Variants in TNPO3 observed in about 807,000 individuals in gnomAD.
TNPO3 encodes transportin 3, also known as transportin-3.
In TNPO3, 65 loss-of-function variants were observed where a neutral mutation model predicts 122.8. The ratio of observed to expected loss-of-function variants is 0.53; its 90% CI spans 0.43 to 0.65. TNPO3 has a LOEUF of 0.65. Ranked by LOEUF, TNPO3 falls within the 30% of genes least tolerant of loss-of-function variation. The pLI, the probability that TNPO3 is intolerant of heterozygous loss-of-function variation, is 0.00. For synonymous variants in TNPO3, 372 were observed against 411.2 expected, an observed-to-expected ratio of 0.90 and a Z score of 1.15; for missense variants, 850 against 1,136.7, an observed-to-expected ratio of 0.75 and a Z score of 3.63.
chr7:129,005,906 C>T (rs555723679), intron 4 of TNPO3, among the ~76,000 whole-genome samples: 41 of 151,918 alleles, frequency 2.7e-4, no homozygotes, highest in Admixed American at 5.2e-4. Context: ...CTCAGCCTCC[C>T]AAGTGGCTGG....
At chr7:129,053,678 G>A (rs765679123) in intron 1 of TNPO3, among the ~76,000 whole-genome samples, 3 of 152,082 alleles carry the variant, frequency 2.0e-5, no homozygotes, top group Admixed American at 6.6e-5. Flanking sequence ...AAATATGGTT[G>A]TGAGTATAAA....
chr7:128,979,028 A>G lies in TNPO3; in HGVS notation c.2016T>C (p.Cys672=), dbSNP rs756106004. ...GCAGTGCTGCAGATCCTTTGCCTAC[A>G]CAGCGAACAGCAAAGCGCAGGCACC... ...CCRCLRFAVR[C]VGKGSAALLQ... Residue 672 remains cysteine, a synonymous_variant, in exon 16 of 23, where the codon TGT becomes TGC. Coordinates refer to ENST00000265388, the MANE Select transcript of TNPO3 (RefSeq NM_012470.4). The G allele has an allele frequency of 1.9e-6, 3 of 1,614,102 alleles. No individual in the cohort carries two copies. Among genetic ancestry groups the G allele is most frequent in the Non-Finnish European group, 2.5e-6 (3 of 1,180,038 alleles).
At chr7:129,033,604 TA>T (rs1806206317) in intron 1 of TNPO3, among the ~76,000 whole-genome samples, 1 of 152,124 alleles carries the variant, frequency 6.6e-6, no homozygotes. Flanking sequence ...TCTGGCTATA[TA>T]TCTAAAAGAA....
intron 5 of TNPO3, among the ~76,000 whole-genome samples, chr7:129,003,066 A>T (rs1282900894): frequency 7.8e-6 from 1 of 128,420 alleles, no homozygotes; most frequent in Non-Finnish European, 1.7e-5. Flanking sequence ...AAAAAAAAAT[A>T]CAAAAAATTA....
chr7:129,056,008 G>A, upstream of TNPO3: 1 of 973,036 alleles, frequency 1.0e-6, no homozygotes. Context: ...CAGCGCCTCA[G>A]CTCCAGCGCC....
In TNPO3 at chr7:128,973,596, T is replaced by C. The variant is rs1409747542; in HGVS notation, c.2274-1014A>G. On this transcript the variant is annotated intron_variant, in intron 18 of 22. Coordinates refer to ENST00000265388, the MANE Select transcript of TNPO3 (RefSeq NM_012470.4). ...CTAAAAATACAAAAAATTAGCTGGGTGTGGTGGCGGGTGCCTGTAGTCCCA... is the reference window on the plus strand; with the variant it reads ...CTAAAAATACAAAAAATTAGCTGGGCGTGGTGGCGGGTGCCTGTAGTCCCA... Among the ~76,000 whole-genome samples the C allele has an allele frequency of 3.4e-5, 5 of 148,052 alleles. No individual in the cohort carries two copies. In the South Asian group the frequency reaches 1.1e-3, roughly 32 times the overall value.
intron 4 of TNPO3, among the ~76,000 whole-genome samples, chr7:129,007,421 T>C (rs1802697158): frequency 6.6e-6 from 1 of 152,194 alleles, no homozygotes; most frequent in Non-Finnish European, 1.5e-5. Flanking sequence ...CAATAATCTA[T>C]CTTACTAATA....
intron 1 of TNPO3, among the ~76,000 whole-genome samples, chr7:129,043,752 G>C (rs1333995243): frequency 2.0e-5 from 3 of 152,174 alleles, no homozygotes; most frequent in Non-Finnish European, 4.4e-5. Context: ...CTTCAGTTGG[G>C]AATGACCAAG....
chr7:129,042,449 T>C (rs1020578342), intron 1 of TNPO3, among the ~76,000 whole-genome samples: 1 of 152,182 alleles, frequency 6.6e-6, no homozygotes, highest in South Asian at 2.1e-4. Context: ...CCATGTGGTA[T>C]AGAGCTAGAA....
chr7:129,036,680 G>A (rs183646291), intron 1 of TNPO3, among the ~76,000 whole-genome samples: 3 of 152,182 alleles, frequency 2.0e-5, no homozygotes, highest in African/African-American at 4.8e-5. Flanking sequence ...TTTATAAGGT[G>A]TATTTCTAAA....
intron 21 of TNPO3, 65 bp from the exon 22 acceptor site, chr7:128,957,380 T>G (rs1797002019): frequency 1.3e-6 from 2 of 1,538,970 alleles, no homozygotes; most frequent in East Asian, 4.5e-5. Flanking sequence ...GAAAAACAAC[T>G]GCAACATTGG....
At chr7:128,980,931 C>T (rs1330610901) in intron 14 of TNPO3, among the ~76,000 whole-genome samples, 1 of 152,144 alleles carries the variant, frequency 6.6e-6, no homozygotes, top group Non-Finnish European at 1.5e-5. Flanking sequence ...AAATACAACT[C>T]CTCTGTCTAG....
In TNPO3 at chr7:128,986,717, T is replaced by C; in HGVS notation, c.1690+12A>G. The C allele has an allele frequency of 6.2e-7, 1 of 1,605,606 alleles. No homozygotes were observed. On this transcript the variant is annotated intron_variant, in intron 12 of 22. Coordinates refer to ENST00000265388, the MANE Select transcript of TNPO3 (RefSeq NM_012470.4). ...TTGAGGTGACTATTAGTGGTTAACATCAAGTGAGTACCTTTTAGCAAGCCC... is the reference window on the plus strand; with the variant it reads ...TTGAGGTGACTATTAGTGGTTAACACCAAGTGAGTACCTTTTAGCAAGCCC...
chr7:129,029,150 G>T, intron 1 of TNPO3: 1 of 202,616 alleles, frequency 4.9e-6, no homozygotes, highest in Non-Finnish European at 1.0e-5. Flanking sequence ...CATCGGGACA[G>T]GATTTGACTG....
intron 21 of TNPO3, among the ~76,000 whole-genome samples, chr7:128,963,058 C>G (rs1168588831): frequency 6.6e-6 from 1 of 152,140 alleles, no homozygotes; most frequent in Non-Finnish European, 1.5e-5. Context: ...GCTAGTTTTG[C>G]AAGTACATAA....
At chr7:128,973,832 A>G (rs1461456485) in intron 18 of TNPO3, among the ~76,000 whole-genome samples, 2 of 150,640 alleles carry the variant, frequency 1.3e-5, no homozygotes, top group Admixed American at 6.6e-5. Flanking sequence ...AAAGGAAAAA[A>G]AAAGGGTTTT....
chr7:129,027,924 G>A (rs922625064), intron 1 of TNPO3, among the ~76,000 whole-genome samples: 12 of 152,162 alleles, frequency 7.9e-5, no homozygotes, highest in Non-Finnish European at 1.5e-4. Flanking sequence ...TAAAAAGACT[G>A]ATACGTTAGG....
chr7:128,989,893 T>TA, intron 11 of TNPO3, 68 bp downstream of exon 11: 1 of 1,561,094 alleles, frequency 6.4e-7, no homozygotes, highest in Non-Finnish European at 8.8e-7. Context: ...CATGCAAAAG[T>TA]AAGAGATGAG....
intron 4 of TNPO3, 77 bp from the exon 5 acceptor site, chr7:129,005,236 A>G (rs1206887199): frequency 1.5e-6 from 2 of 1,341,874 alleles, no homozygotes; most frequent in Admixed American, 2.4e-5. Context: ...CCTTACAAGT[A>G]TAATAATGAG....
Sources: allele counts gnomAD v4.1 joint callset (sites outside exome capture counted in the v4.1 genomes callset), GRCh38; gene constraint gnomAD v4.1.1; transcripts MANE v1.5; gene names NCBI Gene and HGNC (gene_info 2026-07-23, HGNC 2026-07-21).